NOX1: variants seen among roughly 807,000 people sequenced by gnomAD.
The protein encoded by NOX1 is NADH/NADPH mitogenic oxidase subunit P65-MOX.
Under a neutral mutation model 42.5 loss-of-function variants are expected in NOX1, and 34 were observed. That is an observed-to-expected ratio of 0.80 (90% CI 0.61 to 1.07). NOX1 has a LOEUF of 1.07. Among genes scored for constraint, NOX1 ranks in the 50% least tolerant of loss-of-function variants. NOX1 has a pLI of 0.00. For missense variants in NOX1, 408 were observed against 427.0 expected (o/e 0.96, Z 0.39); for synonymous variants, 143 against 152.5 (o/e 0.94, Z 0.46).
intron 7 of NOX1, chrX:100,855,980 A>G (rs1223941454): frequency 2.2e-5 from 25 of 1,121,025 alleles, no homozygotes; most frequent in Non-Finnish European, 3.0e-5. Context: ...CATGATTTCA[A>G]TCACTTCCAT....
intron 7 of NOX1, among the ~76,000 whole-genome samples, chrX:100,861,246 AGAT>A (rs1289425449): frequency 9.0e-6 from 1 of 111,496 alleles, no homozygotes; most frequent in African/African-American, 3.3e-5. Context: ...CTTTTTTCCC[AGAT>A]GATGATCTTA....
chrX:100,856,899 A>G (rs1428858541), intron 7 of NOX1, among the ~76,000 whole-genome samples: 7 of 110,518 alleles, frequency 6.3e-5, no homozygotes, highest in Non-Finnish European at 1.3e-4. Context: ...TTTAACTTCT[A>G]TTTTAGGTTC....
chrX:100,852,471 T>A (rs1210663236), intron 7 of NOX1, among the ~76,000 whole-genome samples: 3 of 111,992 alleles, frequency 2.7e-5, no homozygotes, highest in South Asian at 3.7e-4. Context: ...TCAAAATAAA[T>A]AAAATAAATA....
chrX:100,853,294 CTT>C lies in NOX1; in HGVS notation c.805-1971_805-1970del, dbSNP rs760756309. ...TCTTTCTTTCTTTCTTTCTTTCTTT[CTT>C]TCTTTCTTTCTTTCTTTCTTTCTTT... is the stretch of plus-strand genomic sequence containing the variant. On this transcript the variant is annotated intron_variant, in intron 7 of 12. Coordinates refer to ENST00000372966, the MANE Select transcript of NOX1 (RefSeq NM_007052.5). Among the ~76,000 whole-genome samples the C allele has an allele frequency of 1.6e-3, 93 of 56,813 alleles. 1 individual carries two copies. Among genetic ancestry groups the C allele is most frequent in the African/African-American group, 6.0e-3 (87 of 14,594 alleles). 49.3% of individuals were successfully genotyped at this position (56,813 alleles called of 115,157 possible). A position where few individuals can be genotyped will look rare whatever the true frequency, so the allele number is the denominator to read the frequency against.
chrX:100,844,183 C>T (rs1431226677), intron 12 of NOX1, 105 bp from the exon 13 acceptor site: 20 of 758,970 alleles, frequency 2.6e-5, no homozygotes, highest in East Asian at 1.8e-4. Flanking sequence ...AATAAAAATT[C>T]GGTTGTTTAC....
intron 7 of NOX1, among the ~76,000 whole-genome samples, chrX:100,857,329 G>T (rs769371192): frequency 8.9e-6 from 1 of 111,950 alleles, no homozygotes; most frequent in South Asian, 3.7e-4. Context: ...GAATAGTGCT[G>T]CAATGAACAC....
intron 7 of NOX1, among the ~76,000 whole-genome samples, chrX:100,857,060 T>G (rs1210638838): frequency 1.8e-5 from 2 of 111,407 alleles, no homozygotes; most frequent in Non-Finnish European, 3.8e-5. Context: ...TAGGCCCCAG[T>G]GTGTTATTCC....
rs149219547 is a variant in NOX1 at position 100,862,818 on chromosome X, T to C, written c.340A>G (p.Ile114Val). ...TTAAACAGGTGTGCAATGATGTGAA[T>C]AGCTAAATGGAAAGATGAAAAGAAA... ...VAYMICLHTA[I>V]HIIAHLFNFD... Residue 114 changes from isoleucine to valine, a missense_variant and splice_region_variant, in exon 5 of 13, where the codon ATT (isoleucine) becomes GTT (valine). Coordinates refer to ENST00000372966, the MANE Select transcript of NOX1 (RefSeq NM_007052.5). 4.7e-4 allele frequency: 560 copies of C among 1,196,532 alleles called. 3 individuals carry two copies. The African/African-American group carries it at 8.6e-3, about 18-fold the overall frequency.
chrX:100,853,308 T>TTCTCTCTCTTTCTCTTTC (rs1261090414), intron 7 of NOX1, among the ~76,000 whole-genome samples: 1 of 83,291 alleles, frequency 1.2e-5, no homozygotes, highest in African/African-American at 5.1e-5. Context: ...CTTTCTTTCT[T>TTCTCTCTCTTTCTCTTTC]TCTTTCTTTC....
At chrX:100,859,368 GATCATC>G (rs2085188162) in intron 7 of NOX1, among the ~76,000 whole-genome samples, 1 of 111,787 alleles carries the variant, frequency 8.9e-6, no homozygotes, top group Non-Finnish European at 1.9e-5. Context: ...ATCAATGAAT[GATCATC>G]AGGGATATTG....
intron 12 of NOX1, among the ~76,000 whole-genome samples, chrX:100,847,035 A>G (rs1019245397): frequency 8.9e-6 from 1 of 111,815 alleles, no homozygotes; most frequent in African/African-American, 3.3e-5. Context: ...TAAAAATACA[A>G]AAAATTAGCT....
intron 7 of NOX1, chrX:100,855,520 C>T (rs1277625484): frequency 1.4e-6 from 1 of 730,981 alleles, no homozygotes. Flanking sequence ...CCAAAGCCGC[C>T]TCTGCCTCCC....
At chrX:100,863,670 A>T in intron 2 of NOX1, 75 bp from the exon 3 acceptor site, 4 of 1,137,103 alleles carry the variant, frequency 3.5e-6, no homozygotes, top group Non-Finnish European at 4.7e-6. Context: ...GACCCAGCCC[A>T]CTCATCTGAG....
intron 1 of NOX1, 68 bp downstream of exon 1, chrX:100,874,027 T>C (rs1292148613): frequency 2.4e-6 from 2 of 834,602 alleles, no homozygotes; most frequent in East Asian, 3.2e-5. Flanking sequence ...CAAATTGCTT[T>C]ACAAATATTA....
At chrX:100,857,740 C>G (rs1473455183) in intron 7 of NOX1, among the ~76,000 whole-genome samples, 1 of 103,715 alleles carries the variant, frequency 9.6e-6, no homozygotes, top group Non-Finnish European at 2.0e-5. Flanking sequence ...ACTTTGCACA[C>G]TTTGTTATGG....
chrX:100,855,609 C>A (rs1406256017), intron 7 of NOX1: 15 of 1,005,059 alleles, frequency 1.5e-5, no homozygotes, highest in Non-Finnish European at 2.1e-5. Context: ...ACTTCCATAG[C>A]CTCTGCTTCC....
chrX:100,861,653 G>C (rs2085204021), intron 7 of NOX1, among the ~76,000 whole-genome samples: 1 of 111,486 alleles, frequency 9.0e-6, no homozygotes, highest in Non-Finnish European at 1.9e-5. Context: ...AATTTGACTG[G>C]AATATCACGG....
chrX:100,863,437 G>T (rs2147917100), intron 3 of NOX1, 48 bp downstream of exon 3: 1 of 1,162,728 alleles, frequency 8.6e-7, no homozygotes, highest in Non-Finnish European at 1.2e-6. Flanking sequence ...GGAGTCTGGG[G>T]TCTCCTTCTT....
chrX:100,859,372 A>C (rs1306277637), intron 7 of NOX1, among the ~76,000 whole-genome samples: 1 of 111,982 alleles, frequency 8.9e-6, no homozygotes, highest in Non-Finnish European at 1.9e-5. Context: ...ATGAATGATC[A>C]TCAGGGATAT....
Sources: allele counts gnomAD v4.1 joint callset (sites outside exome capture counted in the v4.1 genomes callset), GRCh38; gene constraint gnomAD v4.1.1; transcripts MANE v1.5; gene names NCBI Gene and HGNC (gene_info 2026-07-23, HGNC 2026-07-21).